Variants in FBXO33 observed in about 807,000 individuals in gnomAD.
FBXO33 encodes the protein F-box protein 33.
FBXO33 carries 22 observed loss-of-function variants against 46.3 expected under a neutral mutation model. That is an observed-to-expected ratio of 0.48 (90% CI 0.34 to 0.68). The LOEUF (loss-of-function observed/expected upper bound fraction) is 0.68, where lower values mean the gene tolerates loss of function less well. Ranked by LOEUF, FBXO33 falls within the 30% of genes least tolerant of loss-of-function variation. The pLI, the probability that FBXO33 is intolerant of heterozygous loss-of-function variation, is 0.01. For missense variants in FBXO33, 692 were observed against 708.8 expected (o/e 0.98, Z 0.27); for synonymous variants, 337 against 291.3 (o/e 1.16, Z -1.60).
At chr14:39,405,433 C>T (rs1403450250) in intron 1 of FBXO33, among the ~76,000 whole-genome samples, 1 of 151,532 alleles carries the variant, frequency 6.6e-6, no homozygotes, top group Non-Finnish European at 1.5e-5. Context: ...GTTGTGTTAA[C>T]ATGGTACAGT....
intron 1 of FBXO33, among the ~76,000 whole-genome samples, chr14:39,430,398 A>G (rs930535107): frequency 1.3e-5 from 2 of 152,164 alleles, no homozygotes; most frequent in African/African-American, 4.8e-5. Context: ...CCTTATATCT[A>G]TATATATCTC....
At position 39,398,744 on chromosome 14, in the gene FBXO33, G is replaced by A. The variant is rs986197324; in HGVS notation, c.*772C>T. On this transcript the variant is annotated 3_prime_UTR_variant, in exon 4 of 4. Coordinates refer to ENST00000298097, the MANE Select transcript of FBXO33 (RefSeq NM_203301.4). ...CAAGCATGTGTATTTACAACTCTGT[G>A]TTTTTATTTCCTTTAGGAGATTTTA... 4 of 152,532 alleles carry A rather than the reference G, an allele frequency of 2.6e-5. No individual in the cohort carries two copies. 9.4% of individuals were successfully genotyped at this position (152,532 alleles called of 1,614,324 possible).
chr14:39,416,029 T>A (rs187145348), intron 1 of FBXO33, among the ~76,000 whole-genome samples: 1 of 152,332 alleles, frequency 6.6e-6, no homozygotes, highest in Non-Finnish European at 1.5e-5. Context: ...AGTAGTACAA[T>A]ACAATATTAT....
At chr14:39,400,296 T>A (rs2075362799) in intron 3 of FBXO33, among the ~76,000 whole-genome samples, 1 of 152,122 alleles carries the variant, frequency 6.6e-6, no homozygotes, top group Non-Finnish European at 1.5e-5. Context: ...AAAACAATCA[T>A]GTGAATGATA....
At chr14:39,417,835 T>C (rs1641741156) in intron 1 of FBXO33, among the ~76,000 whole-genome samples, 1 of 152,076 alleles carries the variant, frequency 6.6e-6, no homozygotes, top group Admixed American at 6.5e-5. Flanking sequence ...GGCCCAAGTA[T>C]TGTTATCTTG....
At chr14:39,412,589 C>G (rs76136623) in intron 1 of FBXO33, among the ~76,000 whole-genome samples, 1 of 151,148 alleles carries the variant, frequency 6.6e-6, no homozygotes, top group Non-Finnish European at 1.5e-5. Flanking sequence ...TCATTTTGTT[C>G]GTAGTTTTTT....
chr14:39,407,683 T>C (rs751546721), intron 1 of FBXO33, among the ~76,000 whole-genome samples: 4 of 152,242 alleles, frequency 2.6e-5, no homozygotes, highest in Admixed American at 6.5e-5. Flanking sequence ...TATCACATTT[T>C]CTTTATGCAT....
intron 1 of FBXO33, among the ~76,000 whole-genome samples, chr14:39,431,295 G>C (rs1213091518): frequency 6.6e-6 from 1 of 152,022 alleles, no homozygotes; most frequent in Non-Finnish European, 1.5e-5. Context: ...TCCATCCCAC[G>C]GCCACCAAGA....
At chr14:39,417,053 G>C (rs1350933733) in intron 1 of FBXO33, among the ~76,000 whole-genome samples, 1 of 152,154 alleles carries the variant, frequency 6.6e-6, no homozygotes, top group African/African-American at 2.4e-5. Flanking sequence ...TCCTTTAGTA[G>C]GTGGCATGAA....
intron 1 of FBXO33, among the ~76,000 whole-genome samples, chr14:39,413,073 T>A (rs2139410050): frequency 6.6e-6 from 1 of 152,340 alleles, no homozygotes; most frequent in East Asian, 1.9e-4. Flanking sequence ...CATGAAAGAT[T>A]TCTCTGTAGC....
chr14:39,421,083 G>A (rs2075480541), intron 1 of FBXO33, among the ~76,000 whole-genome samples: 1 of 152,208 alleles, frequency 6.6e-6, no homozygotes, highest in South Asian at 2.1e-4. Flanking sequence ...TGTGGTCTAT[G>A]TGTAGATTCT....
intron 3 of FBXO33, 65 bp from the exon 4 acceptor site, chr14:39,399,852 G>T: frequency 7.0e-7 from 1 of 1,433,808 alleles, no homozygotes; most frequent in Non-Finnish European, 9.2e-7. Flanking sequence ...TGGTAAGTCT[G>T]TCTTTTCCTC....
At chr14:39,418,446 A>C (rs116289567) in intron 1 of FBXO33, among the ~76,000 whole-genome samples, 1 of 151,910 alleles carries the variant, frequency 6.6e-6, no homozygotes, top group South Asian at 2.1e-4. Flanking sequence ...CTTTAAGTTC[A>C]TAAGAACTTA....
rs528279116 is a variant in FBXO33 at position 39,399,400 on chromosome 14, A to G, written c.*116T>C. ...AAGTAGAATATACATATATAATTCT[A>G]TAAAGCTAATACTGATTAAACACAG... On this transcript the variant is annotated 3_prime_UTR_variant, in exon 4 of 4. Coordinates refer to ENST00000298097, the MANE Select transcript of FBXO33 (RefSeq NM_203301.4). 1.6e-4 allele frequency: 145 copies of G among 902,022 alleles called. 1 individual carries two copies. The South Asian group carries it at 2.9e-3, about 18-fold the overall frequency. The allele number at this position is 902,022 out of a possible 1,614,324, so 55.9% of individuals were successfully genotyped here.
rs1336654392 is a variant in FBXO33, at chr14:39,432,065, T to TGCAGCC, written c.92_97dup (p.Arg31_Leu32dup). ...CAGCCCCCGCAGCCGTCGCAGCTGC[T>TGCAGCC]GCAGCCGCAGCCGCCGCCACCGCGC... On this transcript the variant is annotated inframe_insertion, in exon 1 of 4. Transcript: ENST00000298097. The TGCAGCC allele has an allele frequency of 5.6e-6, 7 of 1,247,024 alleles. No homozygotes were observed. The highest frequency in any genetic ancestry group is 4.7e-5 in the African/African-American group (3 of 64,148). 77.2% of individuals were successfully genotyped at this position (1,247,024 alleles called of 1,614,324 possible).
chr14:39,405,976 C>T (rs572679881), intron 1 of FBXO33, among the ~76,000 whole-genome samples: 1 of 149,260 alleles, frequency 6.7e-6, no homozygotes, highest in African/African-American at 2.4e-5. Flanking sequence ...AACAAAAAAA[C>T]CGTATTTTTT....
intron 1 of FBXO33, among the ~76,000 whole-genome samples, chr14:39,429,548 T>C (rs949599327): frequency 1.3e-5 from 2 of 152,226 alleles, no homozygotes; most frequent in South Asian, 4.1e-4. Context: ...TATCACAGAG[T>C]ATCTCAAAAC....
chr14:39,397,821 C>T lies in FBXO33; in HGVS notation c.*1695G>A, dbSNP rs1266695889. On this transcript the variant is annotated 3_prime_UTR_variant, in exon 4 of 4. Transcript: ENST00000298097. ...TTAACATAAACCATACAACATCAGT[C>T]ATCAGGTCAAACATTCAGCTGGTTT... 3.3e-5 allele frequency: 5 copies of T among 152,706 alleles called. No individual in the cohort carries two copies. In the East Asian group the frequency reaches 5.8e-4, roughly 18 times the overall value. 9.5% of individuals were successfully genotyped at this position (152,706 alleles called of 1,614,324 possible). A position where few individuals can be genotyped will look rare whatever the true frequency, so the allele number is the denominator to read the frequency against.
At chr14:39,411,118 C>T (rs1045164509) in intron 1 of FBXO33, among the ~76,000 whole-genome samples, 6 of 151,566 alleles carry the variant, frequency 4.0e-5, no homozygotes, top group Non-Finnish European at 7.4e-5. Flanking sequence ...TTTTTTGAGA[C>T]AGAGTCTTGC....
Sources: gnomAD v4.1 joint callset for allele counts (sites outside exome capture counted in the v4.1 genomes callset) on GRCh38, gnomAD v4.1.1 for gene constraint, MANE v1.5 for transcripts, NCBI Gene and HGNC (gene_info 2026-07-23, HGNC 2026-07-21) for gene names.